The following ZFHX3 variants were observed in gnomAD, a reference collection of about 807,000 sequenced individuals.
The protein encoded by ZFHX3 is zinc finger homeobox 3, also known as zinc finger homeobox protein 3.
Under a neutral mutation model 279.1 loss-of-function variants are expected in ZFHX3, and 42 were observed. That is an observed-to-expected ratio of 0.15 (90% confidence interval 0.12 to 0.19). The LOEUF is 0.19. ZFHX3 is among the 10% of genes least tolerant of loss of function. ZFHX3 has a pLI of 1.00. For missense variants in ZFHX3, 4,981 were observed against 4,754.0 expected (o/e 1.05, Z -1.40); for synonymous variants, 2,293 against 1,957.8 (o/e 1.17, Z -4.52).
intron 1 of ZFHX3, among the ~76,000 whole-genome samples, chr16:73,007,527 A>G (rs921101508): frequency 6.6e-6 from 1 of 151,926 alleles, no homozygotes; most frequent in African/African-American, 2.4e-5. Flanking sequence ...GCTCACTACA[A>G]TCTCTGCCTC....
intron 5 of ZFHX3, among the ~76,000 whole-genome samples, chr16:73,228,919 C>A (rs759726855): frequency 6.6e-6 from 1 of 152,072 alleles, no homozygotes; most frequent in East Asian, 1.9e-4. Flanking sequence ...TGGAAGACGT[C>A]GTGGCTTGGG....
chr16:72,817,827 T>C (rs1434414901), intron 5 of ZFHX3, among the ~76,000 whole-genome samples: 1 of 152,184 alleles, frequency 6.6e-6, no homozygotes, highest in East Asian at 1.9e-4. Flanking sequence ...TTGAACCTTG[T>C]GGGGAATCCA....
chr16:73,138,461 C>T (rs1255563519), intron 6 of ZFHX3, among the ~76,000 whole-genome samples: 1 of 152,120 alleles, frequency 6.6e-6, no homozygotes, highest in Non-Finnish European at 1.5e-5. Context: ...TATGCCAGGG[C>T]TCTGAAGACC....
rs3081625 is a variant in ZFHX3, at chr16:73,004,159, CTTTTT to C, written c.-50+43588_-50+43592del. ...CAATAATAACTACATAAAAACACGA[CTTTTT>C]TTTTTTTTTTTTTTTTTTTTAAGTA... On this transcript the variant is annotated intron_variant, in intron 1 of 9. Transcript: ENST00000268489. Among the ~76,000 whole-genome samples, 8 of 49,374 alleles carry C rather than the reference CTTTTT, an allele frequency of 1.6e-4. No homozygotes were observed. The East Asian group carries it at 3.7e-3, about 23-fold the overall frequency. 32.4% of individuals were successfully genotyped at this position (49,374 alleles called of 152,430 possible). A position where few individuals can be genotyped will look rare whatever the true frequency, so the allele number is the denominator to read the frequency against.
At chr16:73,349,169 C>G (rs1212215165) in intron 3 of ZFHX3, among the ~76,000 whole-genome samples, 1 of 111,718 alleles carries the variant, frequency 9.0e-6, no homozygotes, top group Non-Finnish European at 2.3e-5. Flanking sequence ...GACTTTTGTT[C>G]TGCCACAGCA....
rs756340834 is a variant in ZFHX3 at position 72,788,136 on chromosome 16, C to G, written c.10140G>C (p.Gln3380His). The G allele has an allele frequency of 1.9e-6, 3 of 1,604,470 alleles. No homozygotes were observed. The South Asian group carries it at 3.3e-5, about 18-fold the overall frequency. Reference sequence around the variant, plus strand: ...GCTGCTGCTGCTGCTGTAGTTGCCGCTGCTGCTGCTGCTGAATTGCCTCCT... The same window carrying G: ...GCTGCTGCTGCTGCTGTAGTTGCCGGTGCTGCTGCTGCTGAATTGCCTCCT... Reference protein sequence around the residue: ...SLQEAIQQQQQRQLQQQQQQK... With the variant: ...SLQEAIQQQQHRQLQQQQQQK... The change falls in exon 10 of 10, where the codon CAG becomes CAC. Residue 3380 changes from glutamine to histidine, a missense_variant. Around this residue, in one of 7 missense-constraint regions of ZFHX3, gnomAD observed 1,034 missense variants for 786.0 expected, o/e 1.32. Transcript: ENST00000268489.
chr16:72,960,154 C>T lies in ZFHX3; in HGVS notation c.-9G>A, dbSNP rs750363589. 1 of 1,550,848 alleles carries T rather than the reference C, an allele frequency of 6.4e-7. No homozygotes were observed. The highest frequency in any genetic ancestry group is 8.7e-7 in the Non-Finnish European group (1 of 1,146,726). On this transcript the variant is annotated 5_prime_UTR_variant, in exon 2 of 10. Transcript: ENST00000268489. ...GAGTCACAGCCTTCCATGGTAAGGC[C>T]TGCGTGGAGCTTTCATTGCACCCAG...
chr16:73,700,644 A>G (rs2053237976), intron 1 of ZFHX3, among the ~76,000 whole-genome samples: 1 of 152,228 alleles, frequency 6.6e-6, no homozygotes. Context: ...AGATATTTAA[A>G]CCATTTTCAA....
At chr16:73,112,423 T>G (rs1966385902) in intron 7 of ZFHX3, among the ~76,000 whole-genome samples, 2 of 151,776 alleles carry the variant, frequency 1.3e-5, no homozygotes, top group Admixed American at 6.6e-5. Context: ...TTAAAAAAAT[T>G]TTAAAAAGGC....
chr16:72,941,965 C>T (rs1156822363), intron 3 of ZFHX3, among the ~76,000 whole-genome samples: 9 of 152,196 alleles, frequency 5.9e-5, no homozygotes, highest in Non-Finnish European at 8.8e-5. Context: ...CCACCCTACA[C>T]TTACTAGTAT....
chr16:73,873,628 A>C (rs1567436654), intron 1 of ZFHX3, among the ~76,000 whole-genome samples: 2 of 152,244 alleles, frequency 1.3e-5, no homozygotes, highest in East Asian at 3.8e-4. Context: ...CAAATGGTAG[A>C]TGGCATCATA....
intron 4 of ZFHX3, among the ~76,000 whole-genome samples, chr16:72,839,847 G>A (rs1313899366): frequency 6.6e-6 from 1 of 152,096 alleles, no homozygotes; most frequent in Non-Finnish European, 1.5e-5. Context: ...CTGTAGGAAG[G>A]GACATTTTTC....
intron 2 of ZFHX3, among the ~76,000 whole-genome samples, chr16:73,517,409 C>T (rs1173858314): frequency 1.3e-5 from 2 of 152,140 alleles, no homozygotes; most frequent in East Asian, 3.8e-4. Context: ...AATAAATGTA[C>T]AGATGAATGT....
intron 2 of ZFHX3, among the ~76,000 whole-genome samples, chr16:73,491,828 A>T (rs1016077584): frequency 2.0e-5 from 3 of 152,116 alleles, no homozygotes; most frequent in Non-Finnish European, 4.4e-5. Context: ...GCTGCTAAAC[A>T]TCCTAAATGC....
intron 1 of ZFHX3, among the ~76,000 whole-genome samples, chr16:73,053,965 G>A (rs1392004555): frequency 6.6e-6 from 1 of 151,686 alleles, no homozygotes; most frequent in Non-Finnish European, 1.5e-5. Flanking sequence ...ATGTCACCAG[G>A]GTCGACACAT....
At chr16:73,394,872 G>T (rs1309622147) in intron 3 of ZFHX3, among the ~76,000 whole-genome samples, 1 of 152,186 alleles carries the variant, frequency 6.6e-6, no homozygotes, top group Non-Finnish European at 1.5e-5. Flanking sequence ...TCATTTGGCA[G>T]ATAAGGAAAC....
At chr16:73,688,423 A>C (rs1365919395) in intron 1 of ZFHX3, among the ~76,000 whole-genome samples, 2 of 151,942 alleles carry the variant, frequency 1.3e-5, no homozygotes, top group East Asian at 3.9e-4. Flanking sequence ...AGGTGGAGCC[A>C]TTGAGAGGTG....
intron 2 of ZFHX3, among the ~76,000 whole-genome samples, chr16:73,563,511 C>T (rs568558248): frequency 6.6e-6 from 1 of 151,930 alleles, no homozygotes; most frequent in South Asian, 2.1e-4. Context: ...CCCGCCTCAG[C>T]CTCCCTGAAA....
intron 1 of ZFHX3, among the ~76,000 whole-genome samples, chr16:73,694,609 T>A (rs976886757): frequency 2.6e-5 from 4 of 152,184 alleles, no homozygotes; most frequent in Non-Finnish European, 5.9e-5. Context: ...CCCAAAGTGC[T>A]GGGATTACAG....
Sources: gnomAD v4.1 joint callset for allele counts (sites outside exome capture counted in the v4.1 genomes callset) on GRCh38, gnomAD v4.1.1 for gene constraint, gnomAD v4.1.1 regional missense constraint, MANE v1.5 for transcripts, NCBI Gene and HGNC (gene_info 2026-07-23, HGNC 2026-07-21) for gene names.